UTRN: variants seen among roughly 807,000 people sequenced by gnomAD.
UTRN encodes dystrophin-related protein 1.
A neutral mutation model predicts 463.9 loss-of-function variants in UTRN; 283 were observed. That is an observed-to-expected ratio of 0.61 (90% CI 0.55 to 0.67). The LOEUF is 0.67. Among genes scored for constraint, UTRN ranks in the 30% least tolerant of loss-of-function variants. UTRN has a pLI of 0.00. For synonymous variants in UTRN, 1,442 were observed against 1,431.5 expected, an observed-to-expected ratio of 1.01 and a Z score of -0.17; for missense variants, 3,922 against 4,084.3, an observed-to-expected ratio of 0.96 and a Z score of 1.08.
intron 9 of UTRN, among the ~76,000 whole-genome samples, chr6:144,434,027 C>T (rs894965042): frequency 1.3e-5 from 2 of 152,202 alleles, no homozygotes; most frequent in Admixed American, 6.5e-5. Context: ...GCCGAGATCA[C>T]GCCACTGCAC....
At chr6:144,661,209 A>T (rs1779832211) in intron 51 of UTRN, among the ~76,000 whole-genome samples, 1 of 152,236 alleles carries the variant, frequency 6.6e-6, no homozygotes, top group Non-Finnish European at 1.5e-5. Context: ...TGAGTCATTA[A>T]AAGAATAATG....
chr6:144,748,631 C>T, intron 55 of UTRN, 117 bp downstream of exon 55: 1 of 1,337,648 alleles, frequency 7.5e-7, no homozygotes, highest in Non-Finnish European at 9.9e-7. Flanking sequence ...GCCAACGCCG[C>T]TGCAACCCCA....
intron 52 of UTRN, among the ~76,000 whole-genome samples, chr6:144,697,881 A>G (rs1388582714): frequency 6.6e-6 from 1 of 152,226 alleles, no homozygotes; most frequent in Admixed American, 6.5e-5. Flanking sequence ...TTGCAACTCA[A>G]TTTCAAAGGA....
rs1006155813 is a variant in UTRN at position 144,827,703 on chromosome 6, A to G, written c.9599+27A>G. 3 of 1,606,390 alleles carry G rather than the reference A, an allele frequency of 1.9e-6. No individual in the cohort carries two copies. The African/African-American group carries it at 4.0e-5, about 22-fold the overall frequency. On this transcript the variant is annotated intron_variant, in intron 68 of 74. Coordinates refer to ENST00000367545, the MANE Select transcript of UTRN (RefSeq NM_007124.3). The stretch of plus-strand genomic sequence containing the variant: ...TAAGAAACTTTGATCAGAGCCCTCC[A>G]CTGCACTGCCACCCAGAATGTATCT...
rs1193736539 is a variant in UTRN, at chr6:144,836,313, G to A, written c.9837G>A (p.Val3279=). Residue 3279 remains valine, a synonymous_variant, in exon 71 of 75, where the codon GTG becomes GTA. Transcript: ENST00000367545. ...DLEEEQRNLQ[V]EYEQLKDQHL... ...CTTTCTGTATTAGAAATCTACAGGTGGAGTATGAGCAGCTGAAGGACCAGC... is the reference window on the plus strand; with the variant it reads ...CTTTCTGTATTAGAAATCTACAGGTAGAGTATGAGCAGCTGAAGGACCAGC... 6.2e-7 allele frequency: 1 copy of A among 1,614,068 alleles called. No homozygotes were observed. Among genetic ancestry groups the A allele is most frequent in the South Asian group, 1.1e-5 (1 of 91,068 alleles).
chr6:144,440,743 G>C (rs1265044290), intron 13 of UTRN, among the ~76,000 whole-genome samples: 1 of 152,168 alleles, frequency 6.6e-6, no homozygotes, highest in African/African-American at 2.4e-5. Flanking sequence ...TGGAAGCACA[G>C]TGTATTAGTC....
At chr6:144,736,347 G>A (rs968498653) in intron 54 of UTRN, among the ~76,000 whole-genome samples, 2 of 152,126 alleles carry the variant, frequency 1.3e-5, no homozygotes, top group East Asian at 3.9e-4. Flanking sequence ...AGTATGTGAT[G>A]TGTACCATGC....
intron 51 of UTRN, among the ~76,000 whole-genome samples, chr6:144,670,022 T>C (rs953888832): frequency 1.3e-5 from 2 of 151,984 alleles, no homozygotes; most frequent in Admixed American, 6.6e-5. Context: ...CTTTATCCAC[T>C]TGTTGACTGA....
At chr6:144,480,927 A>G (rs925045284) in intron 26 of UTRN, among the ~76,000 whole-genome samples, 4 of 152,312 alleles carry the variant, frequency 2.6e-5, no homozygotes, top group East Asian at 1.9e-4. Flanking sequence ...TTGTTTTTTC[A>G]CTAAAACATC....
Position 144,490,143 on chromosome 6 carries a change from C to T in UTRN, c.4207C>T (p.Leu1403=), listed in dbSNP as rs757251474. ...ELRRNMRSQP[L]TSPESRTARG... is the part of the protein sequence containing the mutation. ...GAGAAGAAATATGCGTTCTCAGCCC[C>T]TGACCTCCCCAGAGAGTAGGACTGC... is the stretch of plus-strand genomic sequence containing the variant. Residue 1403 remains leucine (L), a synonymous_variant, in exon 31 of 75, where the codon CTG becomes TTG. Coordinates refer to ENST00000367545, the MANE Select transcript of UTRN (RefSeq NM_007124.3). The T allele has an allele frequency of 6.2e-7, 1 of 1,613,824 alleles. No individual in the cohort carries two copies. The highest frequency in any genetic ancestry group is 8.5e-7 in the Non-Finnish European group (1 of 1,179,858).
chr6:144,816,708 C>G (rs981107843), intron 65 of UTRN, among the ~76,000 whole-genome samples: 1 of 146,920 alleles, frequency 6.8e-6, no homozygotes, highest in South Asian at 2.2e-4. Flanking sequence ...ACTGCAGGCA[C>G]GTGCTGTCAT....
intron 2 of UTRN, among the ~76,000 whole-genome samples, chr6:144,297,476 G>T (rs2114522917): frequency 6.6e-6 from 1 of 152,254 alleles, no homozygotes; most frequent in South Asian, 2.1e-4. Context: ...GCAGTCATCG[G>T]TCTATTTCTT....
At chr6:144,481,045 C>G (rs1791808251) in intron 26 of UTRN, among the ~76,000 whole-genome samples, 1 of 152,094 alleles carries the variant, frequency 6.6e-6, no homozygotes, top group African/African-American at 2.4e-5. Flanking sequence ...TTTCTTTACA[C>G]TATTGGCATT....
chr6:144,339,308 T>C (rs144059804), intron 2 of UTRN, among the ~76,000 whole-genome samples: 1 of 152,210 alleles, frequency 6.6e-6, no homozygotes, highest in Non-Finnish European at 1.5e-5. Context: ...AAATATTCAT[T>C]AGATAGGCAT....
chr6:144,456,120 A>G lies in UTRN; in HGVS notation c.2284+2251A>G, dbSNP rs115600630. Among the ~76,000 whole-genome samples the G allele has an allele frequency of 1.8e-3, 272 of 152,268 alleles. 2 individuals are homozygous for G. Among genetic ancestry groups the G allele is most frequent in the African/African-American group, 6.4e-3 (265 of 41,558 alleles). Reference sequence around the variant, plus strand: ...CTATTAAAAAATTTTTTTTAGGACAACAGTGGGAAGCTGAGAAATGGGGGA... The same window carrying G: ...CTATTAAAAAATTTTTTTTAGGACAGCAGTGGGAAGCTGAGAAATGGGGGA... On this transcript the variant is annotated intron_variant, in intron 19 of 74. Transcript: ENST00000367545.
At chr6:144,403,007 A>T (rs989626660) in intron 2 of UTRN, 116 bp from the exon 3 acceptor site, 1 of 872,808 alleles carries the variant, frequency 1.1e-6, no homozygotes, top group African/African-American at 1.7e-5. Context: ...GTGCTCAAGG[A>T]GCTCGACTAA....
intron 51 of UTRN, among the ~76,000 whole-genome samples, chr6:144,662,733 A>G (rs1260631249): frequency 6.6e-6 from 1 of 152,220 alleles, no homozygotes; most frequent in Non-Finnish European, 1.5e-5. Flanking sequence ...AGGCCTTCCA[A>G]TGGTGGCTAA....
chr6:144,642,772 G>T (rs1777900388), intron 51 of UTRN, among the ~76,000 whole-genome samples: 2 of 152,074 alleles, frequency 1.3e-5, no homozygotes, highest in Non-Finnish European at 2.9e-5. Flanking sequence ...CTAGAATTGG[G>T]GGAATAAATA....
intron 66 of UTRN, among the ~76,000 whole-genome samples, chr6:144,826,467 A>G (rs4896750): frequency 0.52 from 79,386 of 151,910 alleles, 23,521 homozygotes; most frequent in East Asian, 0.95. Flanking sequence ...TAAATGTTCT[A>G]CATTCATTTA....
Sources: allele counts gnomAD v4.1 joint callset (sites outside exome capture counted in the v4.1 genomes callset), GRCh38; gene constraint gnomAD v4.1.1; transcripts MANE v1.5; gene names NCBI Gene and HGNC (gene_info 2026-07-23, HGNC 2026-07-21).